MSRA: variants seen among roughly 807,000 people sequenced by gnomAD.
MSRA encodes the protein mitochondrial peptide methionine sulfoxide reductase.
Under a neutral mutation model 31.3 loss-of-function variants are expected in MSRA, and 54 were observed. That is an observed-to-expected ratio of 1.73 (90% CI 1.39 to 2.17). The LOEUF (loss-of-function observed/expected upper bound fraction) is 2.17, where lower values mean the gene tolerates loss of function less well. Among genes scored for constraint, MSRA ranks in the 30% most tolerant of loss-of-function variants. The pLI is 0.00. For synonymous variants in MSRA, 169 were observed against 116.5 expected, an observed-to-expected ratio of 1.45 and a Z score of -2.90; for missense variants, 507 against 300.9, an observed-to-expected ratio of 1.69 and a Z score of -5.07.
chr8:10,361,847 G>C (rs1804865865), intron 5 of MSRA, among the ~76,000 whole-genome samples: 1 of 152,034 alleles, frequency 6.6e-6, no homozygotes, highest in South Asian at 2.1e-4. Context: ...TCAACTTTTT[G>C]ACATCGTACT....
At chr8:10,277,259 C>T (rs1799368196) in intron 3 of MSRA, among the ~76,000 whole-genome samples, 1 of 152,154 alleles carries the variant, frequency 6.6e-6, no homozygotes, top group South Asian at 2.1e-4. Context: ...AATGAAAGTA[C>T]ATGTCCAGGT....
At chr8:10,102,170 A>T (rs986927334) in intron 1 of MSRA, among the ~76,000 whole-genome samples, 38 of 152,028 alleles carry the variant, frequency 2.5e-4, no homozygotes, top group African/African-American at 9.2e-4. Flanking sequence ...ATGTAGGTTT[A>T]TGTCTTTTGC....
intron 1 of MSRA, among the ~76,000 whole-genome samples, chr8:10,057,944 T>A (rs960780496): frequency 1.3e-5 from 2 of 152,218 alleles, no homozygotes; most frequent in Non-Finnish European, 2.9e-5. Flanking sequence ...TGGAACTTGT[T>A]TTTGCGTATT....
chr8:10,129,001 C>A (rs1286110281), intron 1 of MSRA, among the ~76,000 whole-genome samples: 1 of 152,164 alleles, frequency 6.6e-6, no homozygotes, highest in Admixed American at 6.5e-5. Flanking sequence ...TGCTTTCTCT[C>A]TTAATTTTCT....
intron 5 of MSRA, among the ~76,000 whole-genome samples, chr8:10,358,620 T>G (rs1804654530): frequency 8.3e-6 from 1 of 120,628 alleles, no homozygotes; most frequent in Admixed American, 8.9e-5. Context: ...TGAGACGGAG[T>G]CTCGCTCTGT....
At chr8:10,260,918 C>G (rs1798445998) in intron 3 of MSRA, among the ~76,000 whole-genome samples, 1 of 152,096 alleles carries the variant, frequency 6.6e-6, no homozygotes, top group South Asian at 2.1e-4. Context: ...CAAAATATAG[C>G]TGAAATAAAT....
At chr8:10,296,370 C>T (rs1358579658) in intron 3 of MSRA, among the ~76,000 whole-genome samples, 1 of 152,174 alleles carries the variant, frequency 6.6e-6, no homozygotes, top group Non-Finnish European at 1.5e-5. Flanking sequence ...ATAGAAACCT[C>T]GTGTTTGTGT....
intron 1 of MSRA, among the ~76,000 whole-genome samples, chr8:10,150,935 G>C (rs781270971): frequency 3.9e-5 from 6 of 152,206 alleles, no homozygotes; most frequent in Non-Finnish European, 7.4e-5. Context: ...GGACAGACCC[G>C]TGTCGCTCCC....
intron 2 of MSRA, among the ~76,000 whole-genome samples, chr8:10,232,361 G>T (rs1299645807): frequency 6.6e-6 from 1 of 152,166 alleles, no homozygotes; most frequent in African/African-American, 2.4e-5. Flanking sequence ...GTGGAGAGTG[G>T]GGCATTCTAG....
intron 1 of MSRA, among the ~76,000 whole-genome samples, chr8:10,183,197 C>A (rs1306095889): frequency 6.6e-6 from 1 of 152,138 alleles, no homozygotes; most frequent in Non-Finnish European, 1.5e-5. Flanking sequence ...CCCTTGACTC[C>A]CTCAGTCCCA....
At chr8:10,195,229 T>C (rs1807865517) in intron 1 of MSRA, among the ~76,000 whole-genome samples, 1 of 152,208 alleles carries the variant, frequency 6.6e-6, no homozygotes, top group African/African-American at 2.4e-5. Context: ...TAATGTTCCA[T>C]GTTAATTTCC....
chr8:10,337,458 C>T (rs59544712), intron 5 of MSRA: 28 of 450,888 alleles, frequency 6.2e-5, no homozygotes, highest in East Asian at 1.3e-4. Flanking sequence ...GGATTACAGG[C>T]GTGAGCCACC....
intron 1 of MSRA, among the ~76,000 whole-genome samples, chr8:10,191,676 G>A (rs1177070799): frequency 6.6e-6 from 1 of 152,016 alleles, no homozygotes; most frequent in Non-Finnish European, 1.5e-5. Context: ...CTTAGAAATG[G>A]GTCATGTTCT....
intron 5 of MSRA, among the ~76,000 whole-genome samples, chr8:10,425,487 G>T (rs1044523214): frequency 3.9e-5 from 6 of 152,358 alleles, no homozygotes; most frequent in Middle Eastern, 3.4e-3. Flanking sequence ...CTCCCTGCGT[G>T]GACCCACTTC....
At chr8:10,415,785 G>C (rs145805506) in intron 5 of MSRA, among the ~76,000 whole-genome samples, 1 of 151,690 alleles carries the variant, frequency 6.6e-6, no homozygotes, top group Non-Finnish European at 1.5e-5. Flanking sequence ...GTTTGGTCAC[G>C]GAGTTTCTTC....
intron 1 of MSRA, among the ~76,000 whole-genome samples, chr8:10,074,645 CCTT>C (rs1173316361): frequency 2.6e-5 from 4 of 151,844 alleles, no homozygotes; most frequent in Non-Finnish European, 4.4e-5. Context: ...ATAATACACC[CCTT>C]CTTCTTCTTT....
chr8:10,425,263 C>A (rs1290078442), intron 5 of MSRA, among the ~76,000 whole-genome samples: 1 of 152,204 alleles, frequency 6.6e-6, no homozygotes, highest in Non-Finnish European at 1.5e-5. Flanking sequence ...CCATGAGGTC[C>A]CAGGCCCAGG....
intron 1 of MSRA, among the ~76,000 whole-genome samples, chr8:10,142,743 A>T (rs965514257): frequency 1.3e-5 from 2 of 152,228 alleles, no homozygotes; most frequent in Non-Finnish European, 2.9e-5. Context: ...GGACTATTTG[A>T]TAAGATCTAT....
chr8:10,363,012 A>C (rs1176134771), intron 5 of MSRA, among the ~76,000 whole-genome samples: 1 of 152,092 alleles, frequency 6.6e-6, no homozygotes, highest in Non-Finnish European at 1.5e-5. Flanking sequence ...TGTTAAGAAC[A>C]CTCATAAGAA....
Sources: allele counts gnomAD v4.1 joint callset (sites outside exome capture counted in the v4.1 genomes callset), GRCh38; gene constraint gnomAD v4.1.1; transcripts MANE v1.5; gene names NCBI Gene and HGNC (gene_info 2026-07-23, HGNC 2026-07-21).